Variants in PTPRD observed in about 807,000 individuals in gnomAD.
PTPRD encodes the protein protein tyrosine phosphatase receptor type D.
Under a neutral mutation model 214.5 loss-of-function variants are expected in PTPRD, and 34 were observed. The ratio of observed to expected loss-of-function variants is 0.16; its 90% CI spans 0.12 to 0.21. The LOEUF (loss-of-function observed/expected upper bound fraction) is 0.21, where lower values mean the gene tolerates loss of function less well. Among genes scored for constraint, PTPRD ranks in the 10% least tolerant of loss-of-function variants. PTPRD has a pLI of 1.00. For missense variants in PTPRD, 2,545 were observed against 2,398.7 expected, an observed-to-expected ratio of 1.06 and a Z score of -1.27; for synonymous variants, 1,128 against 845.7, an observed-to-expected ratio of 1.33 and a Z score of -5.79.
In PTPRD at chr9:8,633,350, T is replaced by C; in HGVS notation, c.319A>G (p.Ile107Val). The change falls in exon 14 of 46, where the codon ATA becomes GTA. Residue 107 changes from isoleucine (I) to valine (V), a missense_variant. Physicochemically the swap from Ile to Val is conservative, Grantham distance 29 (BLOSUM62 3). Coordinates refer to ENST00000381196, the MANE Select transcript of PTPRD (RefSeq NM_002839.4). ...ACTGTGAGTCTGGTGGATACACTTA[T>C]TTCTCCCACATTATTTGAGGCCACA... Reference protein sequence around the residue: ...ECVASNNVGEISVSTRLTVLR... With the variant: ...ECVASNNVGEVSVSTRLTVLR... 1 of 1,612,756 alleles carries C rather than the reference T, an allele frequency of 6.2e-7. No homozygotes were observed. Among genetic ancestry groups the C allele is most frequent in the Non-Finnish European group, 8.5e-7 (1 of 1,179,078 alleles).
At chr9:9,593,556 A>T (rs2092981035) in intron 7 of PTPRD, among the ~76,000 whole-genome samples, 1 of 152,002 alleles carries the variant, frequency 6.6e-6, no homozygotes, top group Non-Finnish European at 1.5e-5. Context: ...GGAGGGAGTC[A>T]CCCCAGATTA....
intron 9 of PTPRD, among the ~76,000 whole-genome samples, chr9:9,276,782 G>A (rs186348584): frequency 1.6e-4 from 24 of 151,470 alleles, no homozygotes; most frequent in East Asian, 5.9e-4. Flanking sequence ...GGGCTATGAC[G>A]TATTCTTTTT....
At chr9:8,389,082 T>C (rs2088442963) in intron 37 of PTPRD, 150 bp downstream of exon 37, 2 of 530,640 alleles carry the variant, frequency 3.8e-6, no homozygotes, top group Admixed American at 8.1e-5. Flanking sequence ...AAGAATGGTT[T>C]AATTAGAGTT....
rs192990166 is a variant in PTPRD, at chr9:9,916,447, T to C, written c.-368+22060A>G. 5.8e-3 allele frequency among the ~76,000 whole-genome samples: 876 copies of C among 152,054 alleles called. 5 individuals are homozygous for C. Among genetic ancestry groups the C allele is most frequent in the Non-Finnish European group, 7.8e-3 (533 of 67,902 alleles). On this transcript the variant is annotated intron_variant, in intron 5 of 45. Transcript: ENST00000381196. The stretch of plus-strand genomic sequence containing the variant: ...GGTGTACGTCCTCACCTATCAATAA[T>C]AACTATGAATGTAAATAAACTAAAT...
intron 8 of PTPRD, among the ~76,000 whole-genome samples, chr9:9,572,008 A>C (rs988838449): frequency 2.0e-5 from 3 of 151,268 alleles, no homozygotes; most frequent in Non-Finnish European, 4.5e-5. Flanking sequence ...TAAGGCAAAA[A>C]TATCTTAAAT....
At chr9:8,863,248 A>C (rs2098137679) in intron 11 of PTPRD, among the ~76,000 whole-genome samples, 1 of 152,122 alleles carries the variant, frequency 6.6e-6, no homozygotes, top group East Asian at 1.9e-4. Flanking sequence ...TGCGACTGTG[A>C]CAATACTGGC....
chr9:8,625,486 C>T (rs115414277), intron 14 of PTPRD, among the ~76,000 whole-genome samples: 30 of 151,864 alleles, frequency 2.0e-4, no homozygotes, highest in African/African-American at 6.3e-4. Flanking sequence ...TCTGGTCTCA[C>T]TTATGATTTA....
At chr9:8,568,756 C>A (rs1260716162) in intron 14 of PTPRD, among the ~76,000 whole-genome samples, 3 of 151,810 alleles carry the variant, frequency 2.0e-5, no homozygotes, top group Non-Finnish European at 4.4e-5. Context: ...CAAGTATTTT[C>A]TTTCAGAGGC....
intron 9 of PTPRD, among the ~76,000 whole-genome samples, chr9:9,352,875 T>C (rs1035285285): frequency 6.6e-6 from 1 of 151,972 alleles, no homozygotes; most frequent in Non-Finnish European, 1.5e-5. Flanking sequence ...TTCTTTTTGC[T>C]TATGGTTTGA....
At chr9:10,203,945 C>T (rs1368902021) in intron 3 of PTPRD, among the ~76,000 whole-genome samples, 1 of 152,066 alleles carries the variant, frequency 6.6e-6, no homozygotes, top group Non-Finnish European at 1.5e-5. Flanking sequence ...CATTTCTATC[C>T]CTGCCTCAAT....
chr9:9,637,668 G>T (rs1308785426), intron 7 of PTPRD, among the ~76,000 whole-genome samples: 1 of 152,148 alleles, frequency 6.6e-6, no homozygotes, highest in African/African-American at 2.4e-5. Flanking sequence ...TTTCCAGGCT[G>T]CTACTGCATG....
chr9:10,232,388 A>C (rs912925697), intron 3 of PTPRD, among the ~76,000 whole-genome samples: 1 of 152,008 alleles, frequency 6.6e-6, no homozygotes, highest in Admixed American at 6.6e-5. Flanking sequence ...ATGAAGTCAA[A>C]TATCTGGATG....
chr9:8,423,565 A>G (rs900944049), intron 35 of PTPRD, among the ~76,000 whole-genome samples: 1 of 152,162 alleles, frequency 6.6e-6, no homozygotes. Flanking sequence ...TATAAATCAT[A>G]ATTTATTGTG....
At chr9:8,889,798 T>C (rs1005019981) in intron 11 of PTPRD, among the ~76,000 whole-genome samples, 1 of 152,248 alleles carries the variant, frequency 6.6e-6, no homozygotes, top group Non-Finnish European at 1.5e-5. Context: ...ATTTCATTTG[T>C]TTTATGGCTG....
chr9:9,882,480 T>A (rs555378671), intron 5 of PTPRD, among the ~76,000 whole-genome samples: 1 of 152,240 alleles, frequency 6.6e-6, no homozygotes, highest in East Asian at 1.9e-4. Context: ...AGGGTACTGA[T>A]ATATTTTTAT....
chr9:9,675,420 C>G (rs1214922109), intron 7 of PTPRD, among the ~76,000 whole-genome samples: 1 of 150,890 alleles, frequency 6.6e-6, no homozygotes, highest in Non-Finnish European at 1.5e-5. Context: ...AAATAGAAAA[C>G]AATAATACAG....
intron 2 of PTPRD, among the ~76,000 whole-genome samples, chr9:10,515,607 A>G (rs1035719974): frequency 1.3e-5 from 2 of 151,978 alleles, no homozygotes; most frequent in African/African-American, 4.8e-5. Flanking sequence ...ACTTAATATA[A>G]GATCTACCTT....
chr9:8,809,332 T>A (rs1183087857), intron 11 of PTPRD, among the ~76,000 whole-genome samples: 1 of 152,118 alleles, frequency 6.6e-6, no homozygotes, highest in Non-Finnish European at 1.5e-5. Context: ...ACATACAGTG[T>A]AAGGTAGCCA....
Position 10,120,033 on chromosome 9 carries a change from T to C in PTPRD, c.-544-86243A>G, listed in dbSNP as rs146391357. 1.5e-4 allele frequency among the ~76,000 whole-genome samples: 23 copies of C among 152,194 alleles called. No individual in the cohort carries two copies. The East Asian group carries it at 1.9e-3, about 13-fold the overall frequency. On this transcript the variant is annotated intron_variant, in intron 3 of 45. Transcript: ENST00000381196. ...GGATAGTGATAGAAACTTAGCTTTA[T>C]GTAGCATGAAAGGTAATGGCAATCT...
Sources: gnomAD v4.1 joint callset for allele counts (sites outside exome capture counted in the v4.1 genomes callset) on GRCh38, gnomAD v4.1.1 for gene constraint, MANE v1.5 for transcripts, NCBI Gene and HGNC (gene_info 2026-07-23, HGNC 2026-07-21) for gene names.